The following SNTB1 variants were observed in gnomAD, a reference collection of about 807,000 sequenced individuals.
The protein encoded by SNTB1 is syntrophin beta 1.
A neutral mutation model predicts 48.9 loss-of-function variants in SNTB1; 36 were observed. That is an observed-to-expected ratio of 0.74 (90% CI 0.56 to 0.97). The LOEUF (loss-of-function observed/expected upper bound fraction) is 0.97. SNTB1 is among the 50% of genes least tolerant of loss of function. SNTB1 has a pLI of 0.00. For missense variants in SNTB1, 786 were observed against 703.4 expected, an observed-to-expected ratio of 1.12 and a Z score of -1.33; for synonymous variants, 299 against 294.6, an observed-to-expected ratio of 1.01 and a Z score of -0.15.
chr8:120,568,770 C>A (rs1251592253), intron 4 of SNTB1, among the ~76,000 whole-genome samples: 2 of 152,228 alleles, frequency 1.3e-5, no homozygotes, highest in East Asian at 1.9e-4. Context: ...GGCTACCAGC[C>A]AGAGACCAGG....
At chr8:120,764,823 A>G (rs945715789) in intron 1 of SNTB1, among the ~76,000 whole-genome samples, 1 of 152,140 alleles carries the variant, frequency 6.6e-6, no homozygotes, top group Non-Finnish European at 1.5e-5. Flanking sequence ...GAAAACCATC[A>G]ATCATTTTGA....
intron 2 of SNTB1, among the ~76,000 whole-genome samples, chr8:120,648,920 T>A (rs1437094011): frequency 1.3e-5 from 2 of 152,014 alleles, no homozygotes; most frequent in Non-Finnish European, 1.5e-5. Flanking sequence ...ATTCATTTCA[T>A]CTTCCATCGC....
At chr8:120,685,209 C>T (rs1818009459) in intron 2 of SNTB1, among the ~76,000 whole-genome samples, 1 of 152,232 alleles carries the variant, frequency 6.6e-6, no homozygotes, top group South Asian at 2.1e-4. Flanking sequence ...TATGGCTCTG[C>T]TAGGCACTGC....
Position 120,811,602 on chromosome 8 carries a change from C to A in SNTB1, c.242G>T (p.Gly81Val), listed in dbSNP as rs768557162. 6.4e-7 allele frequency: 1 copy of A among 1,573,068 alleles called. No individual in the cohort carries two copies. Among genetic ancestry groups the A allele is most frequent in the Non-Finnish European group, 8.6e-7 (1 of 1,163,710 alleles). The change falls in exon 1 of 7, where the codon GGC becomes GTC. Residue 81 changes from glycine (G) to valine (V), a missense_variant. Coordinates refer to ENST00000517992, the MANE Select transcript of SNTB1 (RefSeq NM_021021.4). ...GAGAGHPGAG[G>V]AQPPDSPAGV... ...GGCGGGCGAGTCCGGGGGCTGCGCGCCGCCCGCGCCCGGGTGCCCAGCCCC... is the reference window on the plus strand; with the variant it reads ...GGCGGGCGAGTCCGGGGGCTGCGCGACGCCCGCGCCCGGGTGCCCAGCCCC...
At chr8:120,540,344 CTAAATGTACTGGCAG>C (rs758405130) in intron 6 of SNTB1, among the ~76,000 whole-genome samples, 2 of 152,180 alleles carry the variant, frequency 1.3e-5, no homozygotes, top group Non-Finnish European at 2.9e-5. Context: ...AGCTCGTCAA[CTAAATGTACTGGCAG>C]TAAAAATCAG....
intron 1 of SNTB1, among the ~76,000 whole-genome samples, chr8:120,711,029 T>C (rs73706730): frequency 0.022 from 3,405 of 152,278 alleles, 119 homozygotes; most frequent in African/African-American, 0.077. Flanking sequence ...ACAAAATCTT[T>C]TTGGCTTGTG....
At chr8:120,794,491 A>G (rs994534920) in intron 1 of SNTB1, among the ~76,000 whole-genome samples, 3 of 149,234 alleles carry the variant, frequency 2.0e-5, no homozygotes, top group South Asian at 2.1e-4. Context: ...ATATATATAT[A>G]TACACACACA....
intron 2 of SNTB1, among the ~76,000 whole-genome samples, chr8:120,659,034 G>C (rs919610263): frequency 6.6e-6 from 1 of 151,476 alleles, no homozygotes; most frequent in Admixed American, 6.6e-5. Context: ...CCCTATCTTG[G>C]CTCACTGCAA....
At chr8:120,578,525 T>A (rs1815986613) in intron 3 of SNTB1, among the ~76,000 whole-genome samples, 1 of 152,194 alleles carries the variant, frequency 6.6e-6, no homozygotes, top group Admixed American at 6.5e-5. Flanking sequence ...GTGATTTCCA[T>A]CTCTGCCTGG....
chr8:120,554,530 G>C (rs903841967), intron 4 of SNTB1, among the ~76,000 whole-genome samples: 1 of 152,044 alleles, frequency 6.6e-6, no homozygotes, highest in African/African-American at 2.4e-5. Flanking sequence ...GTTTTCACTC[G>C]GCAAACATTA....
chr8:120,705,039 G>A (rs1023678015), intron 1 of SNTB1, among the ~76,000 whole-genome samples: 1 of 152,172 alleles, frequency 6.6e-6, no homozygotes, highest in African/African-American at 2.4e-5. Context: ...TTGCCTCCTC[G>A]ATCAGCCTAT....
At chr8:120,633,972 C>A (rs576982223) in intron 2 of SNTB1, among the ~76,000 whole-genome samples, 4 of 152,042 alleles carry the variant, frequency 2.6e-5, no homozygotes, top group African/African-American at 9.7e-5. Context: ...AACCCCACTG[C>A]AATCACAATG....
At chr8:120,717,419 T>C (rs545848589) in intron 1 of SNTB1, among the ~76,000 whole-genome samples, 2 of 152,290 alleles carry the variant, frequency 1.3e-5, no homozygotes, top group African/African-American at 2.4e-5. Context: ...GAAGGAATGC[T>C]TGGGTGACTC....
intron 1 of SNTB1, among the ~76,000 whole-genome samples, chr8:120,702,675 C>G (rs1744545160): frequency 6.6e-6 from 1 of 152,136 alleles, no homozygotes; most frequent in Admixed American, 6.5e-5. Flanking sequence ...GATCAGCTTA[C>G]AAATATTTAA....
At chr8:120,806,594 G>T (rs952936969) in intron 1 of SNTB1, among the ~76,000 whole-genome samples, 5 of 152,110 alleles carry the variant, frequency 3.3e-5, no homozygotes, top group Non-Finnish European at 7.4e-5. Flanking sequence ...AATAAAAGGG[G>T]TGTTAAAATT....
rs78408268 is a variant in SNTB1, at chr8:120,538,333, T to G, written c.*544A>C. The G allele has an allele frequency of 0.01, 2,468 of 235,652 alleles. 17 individuals are homozygous for G. The highest frequency in any genetic ancestry group is 0.015 in the Non-Finnish European group (1,670 of 113,992). 14.6% of individuals were successfully genotyped at this position (235,652 alleles called of 1,614,324 possible). Reference sequence around the variant, plus strand: ...CATTTTTTAAAAAGTAACAGCTGCTTCATACTTAAATAAAAGGTGGGTTTC... The same window carrying G: ...CATTTTTTAAAAAGTAACAGCTGCTGCATACTTAAATAAAAGGTGGGTTTC... On this transcript the variant is annotated 3_prime_UTR_variant, in exon 7 of 7. Transcript: ENST00000517992.
rs1281274426 is a variant in SNTB1 at position 120,781,918 on chromosome 8, G to A, written c.571+29355C>T. The stretch of plus-strand genomic sequence containing the variant: ...GTGTGGCAGCCACTACTGACATATA[G>A]CCAGGTGTATTAGTTTGCTAGGGCT... On this transcript the variant is annotated intron_variant, in intron 1 of 6. Transcript: ENST00000517992. 5.9e-5 allele frequency among the ~76,000 whole-genome samples: 9 copies of A among 152,314 alleles called. No individual in the cohort carries two copies. In the East Asian group the frequency reaches 1.7e-3, roughly 29 times the overall value.
At chr8:120,575,448 A>G (rs1815935830) in intron 3 of SNTB1, among the ~76,000 whole-genome samples, 1 of 152,222 alleles carries the variant, frequency 6.6e-6, no homozygotes, top group Non-Finnish European at 1.5e-5. Context: ...ACAGCCAAGA[A>G]GCAGCCCAGC....
At chr8:120,696,901 A>G (rs932180183) in intron 1 of SNTB1, among the ~76,000 whole-genome samples, 1 of 152,232 alleles carries the variant, frequency 6.6e-6, no homozygotes, top group African/African-American at 2.4e-5. Flanking sequence ...TTTGAGCTTT[A>G]TTCTACAGGC....
Sources: allele counts gnomAD v4.1 joint callset (sites outside exome capture counted in the v4.1 genomes callset), GRCh38; gene constraint gnomAD v4.1.1; transcripts MANE v1.5; gene names NCBI Gene and HGNC (gene_info 2026-07-23, HGNC 2026-07-21).